Variants in SPEF2 observed in about 807,000 individuals in gnomAD.
SPEF2 encodes the protein sperm flagellar and cilia associated 2, also known as sperm flagella and cilia-associated protein 2.
A neutral mutation model predicts 224.6 loss-of-function variants in SPEF2; 187 were observed. The ratio of observed to expected loss-of-function variants is 0.83; its 90% CI spans 0.74 to 0.94. The LOEUF is 0.94. Among genes scored for constraint, SPEF2 ranks in the 40% least tolerant of loss-of-function variants. The pLI is 0.00. For missense variants in SPEF2, 2,170 were observed against 2,135.6 expected (o/e 1.02, Z -0.32); for synonymous variants, 715 against 707.3 (o/e 1.01, Z -0.17).
At chr5:35,758,078 G>T (rs1750704676) in intron 24 of SPEF2, among the ~76,000 whole-genome samples, 1 of 152,158 alleles carries the variant, frequency 6.6e-6, no homozygotes, top group South Asian at 2.1e-4. Context: ...GTTCTGAACT[G>T]TGAATATGGC....
chr5:35,803,234 A>G (rs1446166918), intron 34 of SPEF2, among the ~76,000 whole-genome samples: 2 of 152,218 alleles, frequency 1.3e-5, no homozygotes, highest in East Asian at 3.9e-4. Flanking sequence ...TGAGATGAGC[A>G]GGAAAGGCCA....
intron 23 of SPEF2, among the ~76,000 whole-genome samples, chr5:35,751,023 A>G (rs1363834369): frequency 1.0e-5 from 1 of 100,208 alleles, no homozygotes; most frequent in East Asian, 2.5e-4. Context: ...GTATATATAT[A>G]CGTATATATA....
At chr5:35,780,183 T>C (rs1479770954) in intron 30 of SPEF2, among the ~76,000 whole-genome samples, 2 of 152,250 alleles carry the variant, frequency 1.3e-5, no homozygotes, top group African/African-American at 4.8e-5. Context: ...CTTTTCAACA[T>C]ATACTACTTA....
chr5:35,772,579 T>C (rs2149785291), intron 27 of SPEF2, among the ~76,000 whole-genome samples: 1 of 152,214 alleles, frequency 6.6e-6, no homozygotes, highest in South Asian at 2.1e-4. Flanking sequence ...TAGAGAACAT[T>C]CAAGCAGCCA....
intron 25 of SPEF2, among the ~76,000 whole-genome samples, chr5:35,760,544 T>C (rs1751127710): frequency 6.6e-6 from 1 of 152,060 alleles, no homozygotes; most frequent in Admixed American, 6.6e-5. Context: ...CTTATGAGAG[T>C]GACTGAAAGA....
intron 28 of SPEF2, among the ~76,000 whole-genome samples, chr5:35,775,634 C>CA (rs1753508159): frequency 6.6e-6 from 1 of 152,000 alleles, no homozygotes; most frequent in African/African-American, 2.4e-5. Context: ...GCAGGTAAGA[C>CA]AAATTACTCT....
At chr5:35,739,350 C>T (rs1461293781) in intron 21 of SPEF2, among the ~76,000 whole-genome samples, 1 of 152,126 alleles carries the variant, frequency 6.6e-6, no homozygotes, top group African/African-American at 2.4e-5. Context: ...GATGACCTTG[C>T]AGACTTGTTG....
intron 6 of SPEF2, 110 bp from the exon 7 acceptor site, chr5:35,654,430 A>T: frequency 1.2e-6 from 1 of 807,442 alleles, no homozygotes; most frequent in Non-Finnish European, 1.8e-6. Context: ...TTAATAAATT[A>T]ACAGTGAACT....
chr5:35,719,976 G>A (rs1743317468), intron 20 of SPEF2, among the ~76,000 whole-genome samples: 1 of 152,130 alleles, frequency 6.6e-6, no homozygotes, highest in East Asian at 1.9e-4. Context: ...GGACTGCGTA[G>A]ACGAAGGTAT....
chr5:35,621,969 C>T (rs897834566), intron 1 of SPEF2, among the ~76,000 whole-genome samples: 2 of 152,046 alleles, frequency 1.3e-5, no homozygotes, highest in Admixed American at 6.6e-5. Context: ...ACTTCTACTA[C>T]CAAAAGCTTC....
At chr5:35,809,272 G>A (rs141192383) in intron 36 of SPEF2, among the ~76,000 whole-genome samples, 2 of 151,978 alleles carry the variant, frequency 1.3e-5, no homozygotes, top group African/African-American at 4.8e-5. Flanking sequence ...TACATAATTT[G>A]GTCACTGCTC....
chr5:35,650,618 C>T (rs577650257), intron 6 of SPEF2, among the ~76,000 whole-genome samples: 1 of 152,306 alleles, frequency 6.6e-6, no homozygotes, highest in East Asian at 1.9e-4. Context: ...TGGGACCCCT[C>T]AATTTCCACA....
At chr5:35,680,181 T>A (rs1360647619) in intron 10 of SPEF2, among the ~76,000 whole-genome samples, 1 of 152,194 alleles carries the variant, frequency 6.6e-6, no homozygotes, top group East Asian at 1.9e-4. Flanking sequence ...CTGTTTTTCA[T>A]ATATTACATC....
At chr5:35,755,244 T>C in intron 24 of SPEF2, among the ~76,000 whole-genome samples, 1 of 152,228 alleles carries the variant, frequency 6.6e-6, no homozygotes, top group East Asian at 1.9e-4. Context: ...TAAAGTGAGA[T>C]GCCTAAGCAG....
At chr5:35,738,093 C>A (rs1415298110) in intron 21 of SPEF2, among the ~76,000 whole-genome samples, 1 of 152,030 alleles carries the variant, frequency 6.6e-6, no homozygotes, top group Non-Finnish European at 1.5e-5. Context: ...TGTTTGAGTT[C>A]TTTGTAGATT....
chr5:35,787,883 G>A (rs1337260079), intron 30 of SPEF2: 7 of 587,196 alleles, frequency 1.2e-5, no homozygotes, highest in South Asian at 2.2e-5. Context: ...TCCTTCGGAT[G>A]GTGTGAATAG....
intron 36 of SPEF2, among the ~76,000 whole-genome samples, chr5:35,809,329 A>G (rs1561398795): frequency 1.3e-5 from 2 of 152,326 alleles, no homozygotes; most frequent in East Asian, 3.9e-4. Context: ...ACATGCAGGA[A>G]TTGCAAGAAA....
At chr5:35,719,654 C>T (rs939672484) in intron 20 of SPEF2, among the ~76,000 whole-genome samples, 2 of 151,832 alleles carry the variant, frequency 1.3e-5, no homozygotes, top group African/African-American at 2.4e-5. Flanking sequence ...TGGAGTCTAG[C>T]TCTGTCACCT....
intron 23 of SPEF2, among the ~76,000 whole-genome samples, chr5:35,746,920 A>G (rs1321098715): frequency 6.6e-6 from 1 of 152,218 alleles, no homozygotes; most frequent in African/African-American, 2.4e-5. Flanking sequence ...GCTGTGAGAC[A>G]GAAGCACCAG....
Sources: allele counts gnomAD v4.1 joint callset (sites outside exome capture counted in the v4.1 genomes callset), GRCh38; gene constraint gnomAD v4.1.1; transcripts MANE v1.5; gene names NCBI Gene and HGNC (gene_info 2026-07-23, HGNC 2026-07-21).